Variants in DYRK1A observed in about 807,000 individuals in gnomAD.
DYRK1A encodes dual specificity tyrosine-phosphorylation-regulated kinase 1A.
Under a neutral mutation model 79.7 loss-of-function variants are expected in DYRK1A, and 9 were observed. The observed-to-expected ratio is 0.11, with a 90% confidence interval of 0.07 to 0.20. The LOEUF is 0.20. DYRK1A is among the 10% of genes least tolerant of loss of function. The pLI, the probability that DYRK1A is intolerant of heterozygous loss-of-function variation, is 1.00. For synonymous variants in DYRK1A, 349 were observed against 329.7 expected, an observed-to-expected ratio of 1.06 and a Z score of -0.63; for missense variants, 622 against 956.0, an observed-to-expected ratio of 0.65 and a Z score of 4.61.
intron 1 of DYRK1A, among the ~76,000 whole-genome samples, chr21:37,411,369 TC>T (rs202068810): frequency 0.017 from 877 of 50,272 alleles, 6 homozygotes; most frequent in African/African-American, 0.064. Context: ...CCCAACCCCC[TC>T]CCCCCCAAAA....
chr21:37,505,358 G>T lies in DYRK1A; in HGVS notation c.1288G>T (p.Ala430Ser). 1 of 1,614,094 alleles carries T rather than the reference G, an allele frequency of 6.2e-7. No homozygotes were observed. The highest frequency in any genetic ancestry group is 8.5e-7 in the Non-Finnish European group (1 of 1,180,022). The change falls in exon 10 of 12, where the codon GCT (alanine) becomes TCT (serine). Residue 430 changes from alanine to serine, a missense_variant. Around this residue, in one of 5 missense-constraint regions of DYRK1A, gnomAD observed 80 missense variants for 116.5 expected, o/e 0.69. Coordinates refer to ENST00000647188, the MANE Select transcript of DYRK1A (RefSeq NM_001347721.2). Reference sequence around the variant, plus strand: ...AACAGGAGGACCTGGTGGGCGACGTGCTGGGGAGTCAGGTCATACGGTCGC... The same window carrying T: ...AACAGGAGGACCTGGTGGGCGACGTTCTGGGGAGTCAGGTCATACGGTCGC... ...VETGGPGGRR[A>S]GESGHTVADY...
chr21:37,427,990 A>G (rs891457066), intron 2 of DYRK1A, among the ~76,000 whole-genome samples: 6 of 151,996 alleles, frequency 3.9e-5, no homozygotes, highest in African/African-American at 9.7e-5. Context: ...CTAGATGCCA[A>G]TGACTATTCT....
intron 1 of DYRK1A, chr21:37,367,967 C>G (rs1046913358): frequency 6.1e-6 from 1 of 162,872 alleles, no homozygotes; most frequent in Non-Finnish European, 1.3e-5. Flanking sequence ...CCTCCTCTTC[C>G]TCCTCATCCT....
At chr21:37,500,983 G>A (rs2053426664) in intron 9 of DYRK1A, among the ~76,000 whole-genome samples, 1 of 139,376 alleles carries the variant, frequency 7.2e-6, no homozygotes, top group South Asian at 2.3e-4. Context: ...TCTGTTTTTT[G>A]CTCTTCATTA....
At position 37,480,762 on chromosome 21, in the gene DYRK1A, A is replaced by G. The variant is rs2052610284; in HGVS notation, c.425A>G (p.Asn142Ser). 2 of 1,612,644 alleles carry G rather than the reference A, an allele frequency of 1.2e-6. No individual in the cohort carries two copies. The highest frequency in any genetic ancestry group is 1.3e-5 in the African/African-American group (1 of 74,888). ...GATAACTATGATTATATTGTAAAAA[A>G]CGGAGAAAAGTGGATGGATCGTTAC... ...DDDNYDYIVKNGEKWMDRYEI... is the reference protein window; with the variant it reads ...DDDNYDYIVKSGEKWMDRYEI... The change falls in exon 5 of 12, where the codon AAC (asparagine) becomes AGC (serine). Residue 142 changes from asparagine (N) to serine (S), a missense_variant. By Grantham distance (46) the Asn-to-Ser change is conservative (BLOSUM62 1). Around this residue, in one of 5 missense-constraint regions of DYRK1A, gnomAD observed 138 missense variants for 346.4 expected, o/e 0.40. Coordinates refer to ENST00000647188, the MANE Select transcript of DYRK1A (RefSeq NM_001347721.2).
At chr21:37,389,059 T>C (rs1342972591) in intron 1 of DYRK1A, among the ~76,000 whole-genome samples, 1 of 151,840 alleles carries the variant, frequency 6.6e-6, no homozygotes, top group Admixed American at 6.6e-5. Flanking sequence ...ATTTTTTTTT[T>C]AAGAGATGGA....
chr21:37,449,355 G>C (rs1055165747), intron 2 of DYRK1A, among the ~76,000 whole-genome samples: 6 of 152,186 alleles, frequency 3.9e-5, no homozygotes, highest in African/African-American at 1.4e-4. Context: ...TGGGATAACA[G>C]CTCTGCTCTG....
Position 37,478,231 on chromosome 21 carries a change from T to A in DYRK1A, c.231T>A (p.Arg77=). The A allele has an allele frequency of 2.5e-6, 4 of 1,614,194 alleles. No individual in the cohort carries two copies. The highest frequency in any genetic ancestry group is 3.4e-6 in the Non-Finnish European group (4 of 1,180,010). The change falls in exon 4 of 12, where the codon CGT becomes CGA. Residue 77 remains arginine (R), a synonymous_variant. Transcript: ENST00000647188. ...TNQRRMPQTF[R]DPATAPLRKL... ...AGAGGCGGATGCCCCAAACCTTCCGTGACCCAGCAACTGCTCCCCTGAGAA... is the reference window on the plus strand; with the variant it reads ...AGAGGCGGATGCCCCAAACCTTCCGAGACCCAGCAACTGCTCCCCTGAGAA...
intron 1 of DYRK1A, among the ~76,000 whole-genome samples, chr21:37,412,467 T>C (rs1356833184): frequency 1.3e-5 from 2 of 152,156 alleles, no homozygotes; most frequent in Admixed American, 1.3e-4. Context: ...TATTCTTAGG[T>C]CCTTGTCCAG....
intron 1 of DYRK1A, among the ~76,000 whole-genome samples, chr21:37,386,872 G>A (rs541115487): frequency 6.6e-6 from 1 of 152,312 alleles, no homozygotes. Context: ...AAGAAGGGAA[G>A]ATTATTTTTC....
intron 1 of DYRK1A, among the ~76,000 whole-genome samples, chr21:37,406,181 T>C (rs952847894): frequency 3.9e-5 from 6 of 152,192 alleles, no homozygotes; most frequent in African/African-American, 9.7e-5. Flanking sequence ...CACTAACTTA[T>C]CTCTGGCATA....
At chr21:37,431,678 AT>A (rs2050779454) in intron 2 of DYRK1A, among the ~76,000 whole-genome samples, 1 of 152,208 alleles carries the variant, frequency 6.6e-6, no homozygotes, top group South Asian at 2.1e-4. Flanking sequence ...GGAAGTTTTC[AT>A]AATGTTCATT....
chr21:37,444,046 C>T (rs891033854), intron 2 of DYRK1A, among the ~76,000 whole-genome samples: 1 of 152,162 alleles, frequency 6.6e-6, no homozygotes, highest in Non-Finnish European at 1.5e-5. Flanking sequence ...GGGTGTTACA[C>T]ACCTCCTTCT....
intron 4 of DYRK1A, among the ~76,000 whole-genome samples, chr21:37,479,571 C>G (rs2052526871): frequency 1.0e-5 from 1 of 96,372 alleles, no homozygotes; most frequent in Non-Finnish European, 2.2e-5. Flanking sequence ...TTTTACTAGT[C>G]TTAGAAACAG....
intron 2 of DYRK1A, among the ~76,000 whole-genome samples, chr21:37,465,706 G>T (rs1292198850): frequency 6.6e-6 from 1 of 152,000 alleles, no homozygotes; most frequent in Non-Finnish European, 1.5e-5. Flanking sequence ...GGGTGGTGGC[G>T]GGTGCCTGTA....
At chr21:37,474,879 G>A (rs1220539676) in intron 3 of DYRK1A, among the ~76,000 whole-genome samples, 1 of 152,144 alleles carries the variant, frequency 6.6e-6, no homozygotes, top group African/African-American at 2.4e-5. Context: ...CCCTGGATAT[G>A]TGTTATAGAT....
At chr21:37,466,807 A>C (rs1349589912) in intron 2 of DYRK1A, among the ~76,000 whole-genome samples, 1 of 152,180 alleles carries the variant, frequency 6.6e-6, no homozygotes, top group Non-Finnish European at 1.5e-5. Flanking sequence ...AAAATTTAAA[A>C]AAAAATACCT....
rs569600164 is a variant in DYRK1A, at chr21:37,375,618, C to G, written c.-77+7990C>G. On this transcript the variant is annotated intron_variant, in intron 1 of 11. Transcript: ENST00000647188. ...TCGGCTCACTGCAACCTCCGCCTTC[C>G]GGGTTCCAGCAATTCTCCTGCCTCA... Among the ~76,000 whole-genome samples, 22 of 147,440 alleles carry G rather than the reference C, an allele frequency of 1.5e-4. 1 individual carries two copies. The highest frequency in any genetic ancestry group is 4.4e-5 in the Non-Finnish European group (3 of 67,496).
chr21:37,421,398 T>C (rs536378101), intron 2 of DYRK1A, among the ~76,000 whole-genome samples: 1 of 152,210 alleles, frequency 6.6e-6, no homozygotes, highest in South Asian at 2.1e-4. Context: ...GTGTACTATT[T>C]TGTATGAAGA....
Sources: allele counts gnomAD v4.1 joint callset (sites outside exome capture counted in the v4.1 genomes callset), GRCh38; gene constraint gnomAD v4.1.1; regional missense constraint gnomAD v4.1.1; transcripts MANE v1.5; gene names NCBI Gene and HGNC (gene_info 2026-07-23, HGNC 2026-07-21).